The following CAMKK2 variants were observed in gnomAD, a reference collection of about 807,000 sequenced individuals.
CAMKK2 encodes calcium/calmodulin dependent protein kinase kinase 2.
A neutral mutation model predicts 67.2 loss-of-function variants in CAMKK2; 30 were observed. That is an observed-to-expected ratio of 0.45 (90% confidence interval 0.33 to 0.61). CAMKK2 has a LOEUF of 0.61. CAMKK2 is among the 20% of genes least tolerant of loss of function. CAMKK2 has a pLI of 0.02. For missense variants in CAMKK2, 643 were observed against 802.0 expected (o/e 0.80, Z 2.39); for synonymous variants, 322 against 326.2 (o/e 0.99, Z 0.14).
rs1279964849 is a variant in CAMKK2, at chr12:121,296,689, C to G, written c.-111G>C. ...CGCGCTCTGCGCCCCCAGCTCGGCT[C>G]GGCTCGGCTCAGCTTGCTCTGCGCG... On this transcript the variant is annotated 5_prime_UTR_variant, in exon 1 of 17. Coordinates refer to ENST00000404169, the MANE Select transcript of CAMKK2 (RefSeq NM_001270485.2). The surrounding 1 kb of genome is among the most constrained non-coding windows in gnomAD (Gnocchi z 7.1). 6.7e-6 allele frequency: 1 copy of G among 149,200 alleles called. No individual in the cohort carries two copies. Among genetic ancestry groups the G allele is most frequent in the Admixed American group, 6.7e-5 (1 of 14,986 alleles). The allele number at this position is 149,200 out of a possible 1,614,324, so 9.2% of individuals were successfully genotyped here.
rs375059183 is a variant in CAMKK2, at chr12:121,286,595, G to A, written c.-60+10043C>T. ...GTCTCACTCTGTCACCCAGGCTGGA[G>A]TACAGTGGCACAATCTTGGCTCACT... is the stretch of plus-strand genomic sequence containing the variant. On this transcript the variant is annotated intron_variant, in intron 1 of 16. Coordinates refer to ENST00000404169, the MANE Select transcript of CAMKK2 (RefSeq NM_001270485.2). Among the ~76,000 whole-genome samples, 17 of 151,920 alleles carry A rather than the reference G, an allele frequency of 1.1e-4. No homozygotes were observed. The South Asian group carries it at 1.7e-3, about 15-fold the overall frequency.
intron 11 of CAMKK2, among the ~76,000 whole-genome samples, chr12:121,251,660 T>C (rs554052391): frequency 6.6e-6 from 1 of 151,700 alleles, no homozygotes; most frequent in South Asian, 2.1e-4. Flanking sequence ...AAACACTATC[T>C]CTACAAAAAT....
In CAMKK2 at chr12:121,274,332, G is replaced by A. The variant is rs201270246; in HGVS notation, c.195C>T (p.Asp65=). ...VTECEPGCAV[D]LGLARDRPLE... The stretch of plus-strand genomic sequence containing the variant: ...GGGGCCGGTCCCGCGCCAAGCCGAG[G>A]TCCACAGCACAGCCCGGCTCACACT... Residue 65 remains aspartate, a synonymous_variant, in exon 2 of 17, where the codon GAC becomes GAT. Transcript: ENST00000404169. 7.4e-6 allele frequency: 12 copies of A among 1,613,352 alleles called. No individual in the cohort carries two copies. The highest frequency in any genetic ancestry group is 4.5e-5 in the East Asian group (2 of 44,878).
At position 121,248,705 on chromosome 12, in the gene CAMKK2, C is replaced by A; in HGVS notation, c.1353G>T (p.Ala451=). The change falls in exon 14 of 17, where the codon GCG becomes GCT. Residue 451 remains alanine, a synonymous_variant. Transcript: ENST00000404169. ...TCTCATCCTCCGACGGCAACGGCTC[C>A]GCCCCATGCCTCGTGACCCAGGGGT... The part of the protein sequence containing the change: ...KLHPWVTRHG[A]EPLPSEDENC... The A allele has an allele frequency of 1.2e-6, 2 of 1,614,174 alleles. No individual in the cohort carries two copies. Among genetic ancestry groups the A allele is most frequent in the Non-Finnish European group, 1.7e-6 (2 of 1,180,016 alleles).
Position 121,253,196 on chromosome 12 carries a change from G to A in CAMKK2, c.1107+77C>T, listed in dbSNP as rs139575371. ...GGATTCACTGTTTAAGCCTGTGTGC[G>A]TTGGGTTTCTGCTGCTTACAATCCA... On this transcript the variant is annotated intron_variant, in intron 10 of 16. Transcript: ENST00000404169. The surrounding 1 kb of genome is among the most constrained non-coding windows in gnomAD (Gnocchi z 5.0). 1.0e-4 allele frequency: 132 copies of A among 1,294,342 alleles called. No homozygotes were observed. The highest frequency in any genetic ancestry group is 9.2e-4 in the Admixed American group (51 of 55,504). The allele number at this position is 1,294,342 out of a possible 1,614,324, so 80.2% of individuals were successfully genotyped here.
chr12:121,276,692 C>A (rs12582618), intron 1 of CAMKK2, among the ~76,000 whole-genome samples: 136 of 152,202 alleles, frequency 8.9e-4, no homozygotes, highest in African/African-American at 3.1e-3. Flanking sequence ...TCTGGACCAT[C>A]CTGGCCAACA....
rs200837525 is a variant in CAMKK2 at position 121,245,273 on chromosome 12, A to C, written c.1453-33T>G. The C allele has an allele frequency of 7.8e-6, 11 of 1,415,436 alleles. No individual in the cohort carries two copies. The South Asian group carries it at 1.3e-4, about 17-fold the overall frequency. The allele number at this position is 1,415,436 out of a possible 1,614,324, so 87.7% of individuals were successfully genotyped here. On this transcript the variant is annotated intron_variant, in intron 14 of 16. Transcript: ENST00000404169. The surrounding 1 kb of genome is among the most constrained non-coding windows in gnomAD (Gnocchi z 5.8). ...GGGAGAAAAGAGGAGGTGGCAGGCA[A>C]CTGCTTGGCCATGTGGGGGCGATTC... is the stretch of plus-strand genomic sequence containing the variant.
chr12:121,280,827 G>A (rs1367975140), intron 1 of CAMKK2, among the ~76,000 whole-genome samples: 1 of 152,154 alleles, frequency 6.6e-6, no homozygotes, highest in Non-Finnish European at 1.5e-5. Flanking sequence ...TCAAAACCCT[G>A]TCTCCTGATA....
At chr12:121,271,711 T>C (rs1223424628) in intron 2 of CAMKK2, among the ~76,000 whole-genome samples, 3 of 152,006 alleles carry the variant, frequency 2.0e-5, no homozygotes, top group African/African-American at 7.3e-5. Flanking sequence ...AAACTTTGGC[T>C]TTTTTTTCTT....
At position 121,255,591 on chromosome 12, in the gene CAMKK2, G is replaced by C. The variant is rs752145128; in HGVS notation, c.866C>G (p.Ala289Gly). 7 of 1,612,600 alleles carry C rather than the reference G, an allele frequency of 4.3e-6. No homozygotes were observed. The highest frequency in any genetic ancestry group is 5.1e-6 in the Non-Finnish European group (6 of 1,179,714). Reference protein sequence around the residue: ...PTLKPLSEDQARFYFQDLIKG... With the variant: ...PTLKPLSEDQGRFYFQDLIKG... ...GATCAGATCCTGGAAGTAGAAACGGGCCTGGTCTTCAGAGAGTGGTTTGAG... is the reference window on the plus strand; with the variant it reads ...GATCAGATCCTGGAAGTAGAAACGGCCCTGGTCTTCAGAGAGTGGTTTGAG... Residue 289 changes from alanine to glycine, a missense_variant, in exon 9 of 17, where the codon GCC becomes GGC. This residue lies in a region of CAMKK2 where 483 missense variants were observed against 625.8 expected (regional missense o/e 0.77). Coordinates refer to ENST00000404169, the MANE Select transcript of CAMKK2 (RefSeq NM_001270485.2).
chr12:121,252,367 C>T (rs989546380), intron 11 of CAMKK2, among the ~76,000 whole-genome samples: 2 of 152,220 alleles, frequency 1.3e-5, no homozygotes, highest in African/African-American at 4.8e-5. Flanking sequence ...CTCCTGGGTT[C>T]AGGCGATTCT....
In CAMKK2 at chr12:121,239,561, T is replaced by A. The variant is rs1393054871; in HGVS notation, c.*1138A>T. On this transcript the variant is annotated 3_prime_UTR_variant, in exon 17 of 17. Transcript: ENST00000404169. Reference sequence around the variant, plus strand: ...CTCAGATCCTCAGGATGATCATTTGTGTGTTGGTCCAGTGAAAGCATTTCC... The same window carrying A: ...CTCAGATCCTCAGGATGATCATTTGAGTGTTGGTCCAGTGAAAGCATTTCC... 1 of 152,212 alleles carries A rather than the reference T, an allele frequency of 6.6e-6. No homozygotes were observed. Among genetic ancestry groups the A allele is most frequent in the Non-Finnish European group, 1.5e-5 (1 of 68,038 alleles). The allele number at this position is 152,212 out of a possible 1,614,324, so 9.4% of individuals were successfully genotyped here.
At position 121,240,883 on chromosome 12, in the gene CAMKK2, A is replaced by C; in HGVS notation, c.1597-14T>G. ...CTGCCTTGCTTCCTGCTCACCGAACAGAAAACCAACATTAAGACTCTGAGA... is the reference window on the plus strand; with the variant it reads ...CTGCCTTGCTTCCTGCTCACCGAACCGAAAACCAACATTAAGACTCTGAGA... On this transcript the variant is annotated splice_polypyrimidine_tract_variant and intron_variant, in intron 16 of 16. Transcript: ENST00000404169. The surrounding 1 kb of genome is among the most constrained non-coding windows in gnomAD (Gnocchi z 4.4). 6.2e-7 allele frequency: 1 copy of C among 1,611,968 alleles called. No homozygotes were observed. The highest frequency in any genetic ancestry group is 8.5e-7 in the Non-Finnish European group (1 of 1,179,782).
In CAMKK2 at chr12:121,253,294, G is replaced by A. The variant is rs199821791; in HGVS notation, c.1086C>T (p.Thr362=). The A allele has an allele frequency of 1.2e-6, 2 of 1,614,200 alleles. No homozygotes were observed. The highest frequency in any genetic ancestry group is 2.2e-5 in the East Asian group (1 of 44,880). The change falls in exon 10 of 17, where the codon ACC becomes ACT. Residue 362 remains threonine, a synonymous_variant. Transcript: ENST00000404169. This position sits in a 1 kb window ranked among gnomAD's most constrained non-coding sequence, Gnocchi z 5.0. ...TTACCTTCCCAGAGAAGATCTTGCG[G>A]GTCTCAGAGAGCGACTCGGGTGCCA... ...AFMAPESLSE[T]RKIFSGKALD... is the part of the protein sequence containing the mutation.
rs577424858 is a variant in CAMKK2 at position 121,293,233 on chromosome 12, C to T, written c.-60+3405G>A. Among the ~76,000 whole-genome samples the T allele has an allele frequency of 2.6e-5, 4 of 152,232 alleles. No individual in the cohort carries two copies. The South Asian group carries it at 8.3e-4, about 32-fold the overall frequency. On this transcript the variant is annotated intron_variant, in intron 1 of 16. Coordinates refer to ENST00000404169, the MANE Select transcript of CAMKK2 (RefSeq NM_001270485.2). ...CAGAGGTTGCAGTGAACCGAGATCA[C>T]ACCACTGTACTCTGGCTCGGGCAAC... is the stretch of plus-strand genomic sequence containing the variant.
At chr12:121,276,911 G>C (rs1182168203) in intron 1 of CAMKK2, among the ~76,000 whole-genome samples, 1 of 99,564 alleles carries the variant, frequency 1.0e-5, no homozygotes, top group African/African-American at 3.6e-5. Context: ...GTGGGGGGGG[G>C]GTCTCTCTAG....
At chr12:121,254,550 G>A (rs1307812545) in intron 9 of CAMKK2, among the ~76,000 whole-genome samples, 1 of 152,136 alleles carries the variant, frequency 6.6e-6, no homozygotes, top group African/African-American at 2.4e-5. Flanking sequence ...CAGCCCTGGT[G>A]AGAGATATGT....
chr12:121,286,529 G>T (rs1465315934), intron 1 of CAMKK2, among the ~76,000 whole-genome samples: 1 of 149,978 alleles, frequency 6.7e-6, no homozygotes, highest in African/African-American at 2.5e-5. Context: ...ATACTGTTTT[G>T]TTTGGTTTGG....
At chr12:121,249,453 G>C (rs924280069) in intron 13 of CAMKK2, among the ~76,000 whole-genome samples, 3 of 152,206 alleles carry the variant, frequency 2.0e-5, no homozygotes, top group Non-Finnish European at 4.4e-5. Flanking sequence ...TCAAAGGGAC[G>C]GGCCTTTGGA....
Sources: allele counts gnomAD v4.1 joint callset (sites outside exome capture counted in the v4.1 genomes callset), GRCh38; gene constraint gnomAD v4.1.1; regional missense constraint gnomAD v4.1.1; non-coding constraint Gnocchi (gnomAD v3.1); transcripts MANE v1.5; gene names NCBI Gene and HGNC (gene_info 2026-07-23, HGNC 2026-07-21).